The following ELF5 variants were observed in gnomAD, a reference collection of about 807,000 sequenced individuals.
The protein encoded by ELF5 is E74 like ETS transcription factor 5, also known as ETS-related transcription factor Elf-5.
Under a neutral mutation model 38.2 loss-of-function variants are expected in ELF5, and 31 were observed. The ratio of observed to expected loss-of-function variants is 0.81; its 90% confidence interval spans 0.61 to 1.10. ELF5 has a LOEUF of 1.10. Ranked by LOEUF, ELF5 falls within the 50% of genes least tolerant of loss-of-function variation. The pLI, the probability that ELF5 is intolerant of heterozygous loss-of-function variation, is 0.00. For missense variants in ELF5, 300 were observed against 306.6 expected (o/e 0.98, Z 0.16); for synonymous variants, 121 against 112.5 (o/e 1.08, Z -0.48).
chr11:34,488,520 A>C (rs1850069646), intron 4 of ELF5, among the ~76,000 whole-genome samples: 1 of 152,230 alleles, frequency 6.6e-6, no homozygotes, highest in African/African-American at 2.4e-5. Flanking sequence ...ATATTAGCAC[A>C]GGGCCTGGTT....
chr11:34,497,785 A>G (rs910605246), intron 2 of ELF5, among the ~76,000 whole-genome samples: 5 of 152,178 alleles, frequency 3.3e-5, no homozygotes, highest in African/African-American at 9.7e-5. Context: ...GGTTTTTACA[A>G]AACACCACGG....
At position 34,503,172 on chromosome 11, in the gene ELF5, T is replaced by A. The variant is rs192261988; in HGVS notation, c.121+2457A>T. Among the ~76,000 whole-genome samples the A allele has an allele frequency of 2.9e-4, 44 of 152,284 alleles. No homozygotes were observed. The Middle Eastern group carries it at 0.01, about 35-fold the overall frequency. On this transcript the variant is annotated intron_variant, in intron 2 of 6. Coordinates refer to ENST00000257832, the MANE Select transcript of ELF5 (RefSeq NM_001422.4). ...ATCCCAAACTGAAACTAATCCTTTT[T>A]TTTTGACCCAGAGTCTCCCCCTGTT...
chr11:34,505,644 A>C lies in ELF5; in HGVS notation c.106T>G (p.Phe36Val), dbSNP rs146936286. ...LFSNEEYYPAFEHQTACDSYW... is the reference protein window; with the variant it reads ...LFSNEEYYPAVEHQTACDSYW... Reference sequence around the variant, plus strand: ...ATGTACGCACCTGTCTGATGCTCAAAGGCAGGGTAGTACTCTTCATTGCTG... The same window carrying C: ...ATGTACGCACCTGTCTGATGCTCAACGGCAGGGTAGTACTCTTCATTGCTG... The change falls in exon 2 of 7, where the codon TTT becomes GTT. Residue 36 changes from phenylalanine to valine, a missense_variant. Physicochemically the swap from Phe to Val is conservative, Grantham distance 50. Transcript: ENST00000257832. The C allele has an allele frequency of 5.1e-5, 82 of 1,613,762 alleles. No individual in the cohort carries two copies. The African/African-American group carries it at 1.0e-3, about 20-fold the overall frequency.
In ELF5 at chr11:34,487,130, G is replaced by A. The variant is rs575343202; in HGVS notation, c.406+2879C>T. Among the ~76,000 whole-genome samples the A allele has an allele frequency of 2.7e-4, 41 of 152,074 alleles. No individual in the cohort carries two copies. In the Middle Eastern group the frequency reaches 0.014, roughly 50 times the overall value. ...TGTTTGGGGAAAGCATGATCATCAGGGTTGGGGGAGAGCCAGAGATGGTCC... is the reference window on the plus strand; with the variant it reads ...TGTTTGGGGAAAGCATGATCATCAGAGTTGGGGGAGAGCCAGAGATGGTCC... On this transcript the variant is annotated intron_variant, in intron 4 of 6. Coordinates refer to ENST00000257832, the MANE Select transcript of ELF5 (RefSeq NM_001422.4).
At chr11:34,485,959 G>C (rs1214519102) in intron 4 of ELF5, among the ~76,000 whole-genome samples, 1 of 152,150 alleles carries the variant, frequency 6.6e-6, no homozygotes, top group Non-Finnish European at 1.5e-5. Flanking sequence ...CCCTGCAGCT[G>C]GTGGGGGATG....
At chr11:34,497,076 G>A (rs1270602553) in intron 2 of ELF5, among the ~76,000 whole-genome samples, 1 of 152,188 alleles carries the variant, frequency 6.6e-6, no homozygotes, top group Non-Finnish European at 1.5e-5. Context: ...GAAAGAGGAT[G>A]GAGAGACTGA....
Position 34,482,508 on chromosome 11 carries a change from G to T in ELF5, c.407-9C>A. On this transcript the variant is annotated splice_polypyrimidine_tract_variant and intron_variant, in intron 4 of 6. Coordinates refer to ENST00000257832, the MANE Select transcript of ELF5 (RefSeq NM_001422.4). ...GCAGTTGGAATCAGCATCTGAAATAGAATAATTTATAGCAGTGGAAAGGGA... is the reference window on the plus strand; with the variant it reads ...GCAGTTGGAATCAGCATCTGAAATATAATAATTTATAGCAGTGGAAAGGGA... 1 of 1,610,446 alleles carries T rather than the reference G, an allele frequency of 6.2e-7. No homozygotes were observed. Among genetic ancestry groups the T allele is most frequent in the Admixed American group, 1.7e-5 (1 of 59,460 alleles).
chr11:34,489,910 G>A (rs978218102), intron 4 of ELF5, 99 bp downstream of exon 4: 10 of 1,421,866 alleles, frequency 7.0e-6, no homozygotes, highest in South Asian at 3.5e-5. Flanking sequence ...GATTGTTTTG[G>A]TTCATCAGCT....
intron 2 of ELF5, 42 bp downstream of exon 2, chr11:34,505,587 C>T: frequency 6.2e-7 from 1 of 1,610,998 alleles, no homozygotes; most frequent in Non-Finnish European, 8.5e-7. Flanking sequence ...TGCCCTAGCC[C>T]ATCCTGGCTG....
chr11:34,500,649 G>A (rs1255832565), intron 2 of ELF5, among the ~76,000 whole-genome samples: 2 of 152,264 alleles, frequency 1.3e-5, no homozygotes, highest in Non-Finnish European at 2.9e-5. Context: ...TGGGCTAGAG[G>A]TGGCCAACAG....
At chr11:34,490,190 C>T (rs1020508969) in intron 3 of ELF5, 131 bp from the exon 4 acceptor site, 4 of 938,532 alleles carry the variant, frequency 4.3e-6, no homozygotes, top group Admixed American at 1.8e-5. Context: ...TTAGAGGGAA[C>T]CTTGGAGACC....
intron 2 of ELF5, among the ~76,000 whole-genome samples, chr11:34,497,346 T>C (rs1850343470): frequency 6.6e-6 from 1 of 152,226 alleles, no homozygotes; most frequent in Non-Finnish European, 1.5e-5. Flanking sequence ...CCTGGTAGGC[T>C]TGATCTGAAT....
intron 4 of ELF5, 132 bp downstream of exon 4, chr11:34,489,877 C>T (rs1332610131): frequency 1.2e-5 from 13 of 1,090,462 alleles, no homozygotes; most frequent in Non-Finnish European, 5.6e-6. Context: ...CACGCTTTTC[C>T]CCACTGCTTT....
intron 4 of ELF5, among the ~76,000 whole-genome samples, chr11:34,483,127 C>T (rs1856978417): frequency 1.3e-5 from 2 of 152,024 alleles, no homozygotes; most frequent in South Asian, 2.1e-4. Flanking sequence ...CGTGCAGGCA[C>T]ATTCCACATC....
chr11:34,486,104 G>A (rs957273588), intron 4 of ELF5, among the ~76,000 whole-genome samples: 2 of 152,144 alleles, frequency 1.3e-5, no homozygotes, highest in Non-Finnish European at 2.9e-5. Context: ...CAGAAGCTGG[G>A]GTGGGGGCCT....
chr11:34,483,357 T>C (rs1246155580), intron 4 of ELF5, among the ~76,000 whole-genome samples: 1 of 152,010 alleles, frequency 6.6e-6, no homozygotes, highest in East Asian at 1.9e-4. Context: ...ACTGTCTGTC[T>C]GTGCACACGA....
At chr11:34,498,546 G>T (rs1402448213) in intron 2 of ELF5, among the ~76,000 whole-genome samples, 1 of 152,172 alleles carries the variant, frequency 6.6e-6, no homozygotes, top group South Asian at 2.1e-4. Context: ...GGACACAGGC[G>T]AGTCTGTGTG....
chr11:34,481,047 G>C, intron 5 of ELF5, 80 bp from the exon 6 acceptor site: 3 of 1,178,050 alleles, frequency 2.5e-6, no homozygotes, highest in Non-Finnish European at 3.4e-6. Flanking sequence ...TTTTGAGACA[G>C]AGTCTTGCTC....
At chr11:34,507,010 C>A (rs1850629312) in intron 1 of ELF5, among the ~76,000 whole-genome samples, 1 of 152,120 alleles carries the variant, frequency 6.6e-6, no homozygotes, top group African/African-American at 2.4e-5. Flanking sequence ...TACATACATA[C>A]ACATACATAC....
Sources: gnomAD v4.1 joint callset for allele counts (sites outside exome capture counted in the v4.1 genomes callset) on GRCh38, gnomAD v4.1.1 for gene constraint, MANE v1.5 for transcripts, NCBI Gene and HGNC (gene_info 2026-07-23, HGNC 2026-07-21) for gene names.